Variants in INPP4B observed in about 807,000 individuals in gnomAD.
INPP4B encodes inositol polyphosphate-4-phosphatase type II B.
Under a neutral mutation model 122.5 loss-of-function variants are expected in INPP4B, and 55 were observed. That is an observed-to-expected ratio of 0.45 (90% CI 0.36 to 0.56). The LOEUF is 0.56. Ranked by LOEUF, INPP4B falls within the 20% of genes least tolerant of loss-of-function variation. The pLI is 0.00. For missense variants in INPP4B, 1,000 were observed against 1,097.7 expected, an observed-to-expected ratio of 0.91 and a Z score of 1.26; for synonymous variants, 403 against 388.7, an observed-to-expected ratio of 1.04 and a Z score of -0.43.
intron 2 of INPP4B, among the ~76,000 whole-genome samples, chr4:142,549,721 T>A (rs893292974): frequency 2.0e-5 from 3 of 152,146 alleles, no homozygotes; most frequent in African/African-American, 7.2e-5. Flanking sequence ...CACAGGGGTG[T>A]CATTGAGATC....
At chr4:142,263,852 G>C (rs1579514039) in intron 10 of INPP4B, among the ~76,000 whole-genome samples, 1 of 151,342 alleles carries the variant, frequency 6.6e-6, no homozygotes. Flanking sequence ...ATTACCTAGG[G>C]AAAACACTTC....
chr4:142,413,562 C>T (rs1460258805), intron 5 of INPP4B, among the ~76,000 whole-genome samples: 2 of 152,142 alleles, frequency 1.3e-5, no homozygotes, highest in Non-Finnish European at 2.9e-5. Context: ...ATACATAAAA[C>T]ATGCAAAGAA....
At chr4:142,170,578 T>C (rs935140201) in intron 16 of INPP4B, among the ~76,000 whole-genome samples, 11 of 151,736 alleles carry the variant, frequency 7.2e-5, no homozygotes, top group Non-Finnish European at 1.5e-4. Flanking sequence ...CTAAGGCTAC[T>C]CACAATACTT....
chr4:142,665,355 G>A (rs112974492), intron 2 of INPP4B, among the ~76,000 whole-genome samples: 24 of 151,994 alleles, frequency 1.6e-4, no homozygotes, highest in African/African-American at 3.6e-4. Flanking sequence ...TTAACCGGGC[G>A]TGGTGGCAGG....
chr4:142,794,219 A>T (rs939637003), intron 1 of INPP4B, among the ~76,000 whole-genome samples: 12 of 152,046 alleles, frequency 7.9e-5, no homozygotes, highest in African/African-American at 2.9e-4. Context: ...GTCTTGCCAG[A>T]TATCAAGTCT....
At chr4:142,584,652 A>T (rs1407307692) in intron 2 of INPP4B, among the ~76,000 whole-genome samples, 1 of 152,160 alleles carries the variant, frequency 6.6e-6, no homozygotes, top group African/African-American at 2.4e-5. Context: ...TACATATGAC[A>T]TATCACTATT....
At chr4:142,374,039 G>C (rs1790914180) in intron 7 of INPP4B, among the ~76,000 whole-genome samples, 1 of 151,916 alleles carries the variant, frequency 6.6e-6, no homozygotes. Context: ...GAAGAGAAAA[G>C]GAGTGTGAAT....
intron 21 of INPP4B, among the ~76,000 whole-genome samples, chr4:142,113,948 T>A (rs1164281716): frequency 6.6e-6 from 1 of 152,054 alleles, no homozygotes; most frequent in East Asian, 1.9e-4. Flanking sequence ...CTTGTGCCTG[T>A]TTATAGTCAG....
intron 1 of INPP4B, among the ~76,000 whole-genome samples, chr4:142,726,119 C>T (rs1765320762): frequency 6.6e-6 from 1 of 152,172 alleles, no homozygotes; most frequent in South Asian, 2.1e-4. Flanking sequence ...ACATGGGTGA[C>T]TGCAGCAGAT....
intron 23 of INPP4B, among the ~76,000 whole-genome samples, chr4:142,088,827 G>A (rs1259609342): frequency 3.3e-5 from 5 of 152,080 alleles, no homozygotes; most frequent in African/African-American, 7.2e-5. Context: ...ATAAAGACCC[G>A]AATTCAAAAT....
chr4:142,158,104 C>T (rs1818162814), intron 17 of INPP4B, among the ~76,000 whole-genome samples: 1 of 152,090 alleles, frequency 6.6e-6, no homozygotes, highest in Non-Finnish European at 1.5e-5. Flanking sequence ...ATTTCACTCA[C>T]TTTAAAACAA....
At chr4:142,818,633 G>T (rs1464122183) in intron 1 of INPP4B, among the ~76,000 whole-genome samples, 1 of 152,000 alleles carries the variant, frequency 6.6e-6, no homozygotes, top group Non-Finnish European at 1.5e-5. Flanking sequence ...GGCTAGTTGA[G>T]CTCCTGGGAT....
In INPP4B at chr4:142,618,938, T is replaced by C. The variant is rs190726110; in HGVS notation, c.-191+106901A>G. On this transcript the variant is annotated intron_variant, in intron 2 of 25. Transcript: ENST00000262992. ...TAAAAATATGCAAATGACTTGAATA[T>C]ACATTTCTCCAAAGACCACATATGA... Among the ~76,000 whole-genome samples, 6 of 152,044 alleles carry C rather than the reference T, an allele frequency of 3.9e-5. No homozygotes were observed. The East Asian group carries it at 7.7e-4, about 20-fold the overall frequency.
At chr4:142,413,956 A>C (rs1455389893) in intron 5 of INPP4B, among the ~76,000 whole-genome samples, 19 of 152,116 alleles carry the variant, frequency 1.2e-4, no homozygotes, top group Non-Finnish European at 1.5e-5. Context: ...GAAAGGATGA[A>C]TCTAATACCA....
chr4:142,316,029 C>T (rs1036369814), intron 7 of INPP4B, among the ~76,000 whole-genome samples: 2 of 152,058 alleles, frequency 1.3e-5, no homozygotes, highest in African/African-American at 4.8e-5. Flanking sequence ...ATCTTGAACA[C>T]AGTTGCCAAG....
At chr4:142,823,152 C>T (rs28410519) in intron 1 of INPP4B, among the ~76,000 whole-genome samples, 19,484 of 152,170 alleles carry the variant, frequency 0.13, 2,006 homozygotes, top group African/African-American at 0.29. Context: ...CACCCACCCA[C>T]AAGGGGCTAG....
At chr4:142,514,792 C>CTTTTTTTTTTTTTTTTTTTTTTTTTTTT (rs3078620) in intron 2 of INPP4B, among the ~76,000 whole-genome samples, 1 of 121,780 alleles carries the variant, frequency 8.2e-6, no homozygotes, top group African/African-American at 3.1e-5. Flanking sequence ...ACCATGATTT[C>CTTTTTTTTTTTTTTTTTTTTTTTTTTTT]TTTTTTTTTT....
rs1047019271 is a variant in INPP4B, at chr4:142,704,630, T to C, written c.-191+21209A>G. 3.3e-5 allele frequency among the ~76,000 whole-genome samples: 5 copies of C among 152,330 alleles called. No individual in the cohort carries two copies. In the Middle Eastern group the frequency reaches 0.01, roughly 311 times the overall value. ...CCCTCCAATGCTCTGTACGATATCC[T>C]TCCCAATTGCTCAAAGATCGCTATC... On this transcript the variant is annotated intron_variant, in intron 2 of 25. Transcript: ENST00000262992.
intron 9 of INPP4B, among the ~76,000 whole-genome samples, chr4:142,290,785 T>A (rs1465318857): frequency 6.6e-6 from 1 of 152,064 alleles, no homozygotes; most frequent in Admixed American, 6.6e-5. Context: ...GGGGACGTGG[T>A]ATGTATGACC....
Sources: allele counts gnomAD v4.1 joint callset (sites outside exome capture counted in the v4.1 genomes callset), GRCh38; gene constraint gnomAD v4.1.1; transcripts MANE v1.5; gene names NCBI Gene and HGNC (gene_info 2026-07-23, HGNC 2026-07-21).